SESTD1: variants seen among roughly 807,000 people sequenced by gnomAD.
SESTD1 encodes SEC14 and spectrin domain containing 1, also known as SEC14 domain and spectrin repeat-containing protein 1.
In SESTD1, 43 loss-of-function variants were observed where a neutral mutation model predicts 101.7. The ratio of observed to expected loss-of-function variants is 0.42; its 90% CI spans 0.33 to 0.55. The LOEUF is 0.55. Among genes scored for constraint, SESTD1 ranks in the 20% least tolerant of loss-of-function variants. The pLI, the probability that SESTD1 is intolerant of heterozygous loss-of-function variation, is 0.07. For synonymous variants in SESTD1, 283 were observed against 286.8 expected (o/e 0.99, Z 0.13); for missense variants, 647 against 815.1 (o/e 0.79, Z 2.51).
At chr2:179,244,144 GAATT>G (rs1436887003) in intron 1 of SESTD1, among the ~76,000 whole-genome samples, 4 of 151,600 alleles carry the variant, frequency 2.6e-5, no homozygotes, top group Admixed American at 2.0e-4. Flanking sequence ...AAAACTGAAT[GAATT>G]AATTAATTTT....
rs2044341871 is a variant in SESTD1, at chr2:179,104,656, A to G, written c.*5243T>C. ...TGGAGTTCAATAGCCCTTTTGTCAG[A>G]AAGTTTTCTACATGCCTAACTTAAA... On this transcript the variant is annotated 3_prime_UTR_variant, in exon 18 of 18. Coordinates refer to ENST00000428443, the MANE Select transcript of SESTD1 (RefSeq NM_178123.5). 1 of 152,142 alleles carries G rather than the reference A, an allele frequency of 6.6e-6. No individual in the cohort carries two copies. Among genetic ancestry groups the G allele is most frequent in the South Asian group, 2.1e-4 (1 of 4,826 alleles). 9.4% of individuals were successfully genotyped at this position (152,142 alleles called of 1,614,324 possible). A position where few individuals can be genotyped will look rare whatever the true frequency, so the allele number is the denominator to read the frequency against.
At chr2:179,249,890 CA>C (rs60865157) in intron 1 of SESTD1, among the ~76,000 whole-genome samples, 1,159 of 111,306 alleles carry the variant, frequency 0.01, 1 homozygote, top group Non-Finnish European at 0.015. Context: ...TATCCACAGG[CA>C]AAAAAAAAAA....
At chr2:179,219,315 A>C (rs930278442) in intron 1 of SESTD1, among the ~76,000 whole-genome samples, 12 of 152,236 alleles carry the variant, frequency 7.9e-5, no homozygotes, top group Non-Finnish European at 1.8e-4. Context: ...CCTCTCAATA[A>C]ATATAAATCA....
At position 179,107,369 on chromosome 2, in the gene SESTD1, C is replaced by T. The variant is rs1487481739; in HGVS notation, c.*2530G>A. The T allele has an allele frequency of 1.3e-5, 2 of 152,150 alleles. No individual in the cohort carries two copies. Among genetic ancestry groups the T allele is most frequent in the African/African-American group, 4.8e-5 (2 of 41,436 alleles). 9.4% of individuals were successfully genotyped at this position (152,150 alleles called of 1,614,324 possible). A position where few individuals can be genotyped will look rare whatever the true frequency, so the allele number is the denominator to read the frequency against. On this transcript the variant is annotated 3_prime_UTR_variant, in exon 18 of 18. Coordinates refer to ENST00000428443, the MANE Select transcript of SESTD1 (RefSeq NM_178123.5). ...AATTTACAAGTAACATTTATGAATC[C>T]TGCCTTATTTTACTTTTTGTAGGCA...
chr2:179,172,137 C>T lies in SESTD1; in HGVS notation c.352G>A (p.Asp118Asn). 1 of 1,607,172 alleles carries T rather than the reference C, an allele frequency of 6.2e-7. No homozygotes were observed. Among genetic ancestry groups the T allele is most frequent in the Non-Finnish European group, 8.5e-7 (1 of 1,175,058 alleles). Residue 118 changes from aspartate (D) to asparagine (N), a missense_variant, in exon 5 of 18, where the codon GAT (aspartate) becomes AAT (asparagine). Around this residue, in one of 3 missense-constraint regions of SESTD1, gnomAD observed 168 missense variants for 235.1 expected, o/e 0.71. Coordinates refer to ENST00000428443, the MANE Select transcript of SESTD1 (RefSeq NM_178123.5). ...VTHFCFWKEK[D>N]RLGFEVILVS... ...ACATTTACCTCAAAGCCAAGTCTATCCTTCTCCTTCCAAAAACAAAAATGC... is the reference window on the plus strand; with the variant it reads ...ACATTTACCTCAAAGCCAAGTCTATTCTTCTCCTTCCAAAAACAAAAATGC...
At chr2:179,154,725 G>C (rs1048755612) in intron 5 of SESTD1, among the ~76,000 whole-genome samples, 1 of 151,848 alleles carries the variant, frequency 6.6e-6, no homozygotes, top group African/African-American at 2.4e-5. Flanking sequence ...CAAACAATTT[G>C]GTCTCTTAAA....
chr2:179,245,453 T>C (rs1386472694), intron 1 of SESTD1, among the ~76,000 whole-genome samples: 5 of 140,044 alleles, frequency 3.6e-5, no homozygotes, highest in Non-Finnish European at 7.5e-5. Flanking sequence ...GAGAGGGAGG[T>C]TGCAGTGAGC....
rs1183819938 is a variant in SESTD1 at position 179,102,746 on chromosome 2, AAGAG to A, written c.*7149_*7152del. The A allele has an allele frequency of 6.6e-6, 1 of 152,156 alleles. No homozygotes were observed. Among genetic ancestry groups the A allele is most frequent in the African/African-American group, 2.4e-5 (1 of 41,424 alleles). The allele number at this position is 152,156 out of a possible 1,614,324, so 9.4% of individuals were successfully genotyped here. On this transcript the variant is annotated 3_prime_UTR_variant, in exon 18 of 18. Coordinates refer to ENST00000428443, the MANE Select transcript of SESTD1 (RefSeq NM_178123.5). ...AGCTGGGAGAGGTAAAAGAGTGGATAAGAGAGTCATCAGAGTGTGAAAAAACTAC... is the reference window on the plus strand; with the variant it reads ...AGCTGGGAGAGGTAAAAGAGTGGATAAGTCATCAGAGTGTGAAAAAACTAC...
At chr2:179,231,012 T>C (rs533106999) in intron 1 of SESTD1, among the ~76,000 whole-genome samples, 113 of 152,120 alleles carry the variant, frequency 7.4e-4, no homozygotes, top group African/African-American at 2.6e-3. Context: ...CAACAAAACA[T>C]ATAGAAAGCA....
intron 1 of SESTD1, among the ~76,000 whole-genome samples, chr2:179,239,478 T>C (rs2047117923): frequency 6.6e-6 from 1 of 152,176 alleles, no homozygotes; most frequent in African/African-American, 2.4e-5. Flanking sequence ...GAAAGAACTT[T>C]AAAAGTGACT....
At chr2:179,212,039 C>T (rs1195365549) in intron 1 of SESTD1, among the ~76,000 whole-genome samples, 1 of 134,952 alleles carries the variant, frequency 7.4e-6, no homozygotes, top group African/African-American at 2.9e-5. Flanking sequence ...TCCAAGATGG[C>T]TGAATAGGAA....
intron 1 of SESTD1, among the ~76,000 whole-genome samples, chr2:179,262,284 T>A (rs1237102336): frequency 6.6e-6 from 1 of 152,228 alleles, no homozygotes; most frequent in Non-Finnish European, 1.5e-5. Context: ...TGCCGACATT[T>A]GCATAATTTT....
At chr2:179,126,121 C>T (rs1428915682) in intron 10 of SESTD1, among the ~76,000 whole-genome samples, 1 of 152,174 alleles carries the variant, frequency 6.6e-6, no homozygotes, top group African/African-American at 2.4e-5. Flanking sequence ...TTTTACTACG[C>T]TGAAATTAAA....
intron 3 of SESTD1, among the ~76,000 whole-genome samples, chr2:179,182,511 C>G (rs1273775995): frequency 6.6e-6 from 1 of 151,966 alleles, no homozygotes; most frequent in African/African-American, 2.4e-5. Flanking sequence ...ATGGGAGAAG[C>G]AGATGGGGAG....
chr2:179,183,077 C>G lies in SESTD1; in HGVS notation c.164+3G>C, dbSNP rs777843040. ...ATTTAAGAAAAGACACCTTTAGAGT[C>G]ACCTTGGAATGCTGAGTAGGTAGTC... On this transcript the variant is annotated splice_donor_region_variant and intron_variant, in intron 3 of 17. Coordinates refer to ENST00000428443, the MANE Select transcript of SESTD1 (RefSeq NM_178123.5). 1 of 1,584,154 alleles carries G rather than the reference C, an allele frequency of 6.3e-7. No homozygotes were observed. Among genetic ancestry groups the G allele is most frequent in the East Asian group, 2.3e-5 (1 of 43,900 alleles).
At position 179,116,439 on chromosome 2, in the gene SESTD1, T is replaced by C. The variant is rs899303251; in HGVS notation, c.1647+229A>G. ...ATTGCCTTAAAAATGCCGTAATACA[T>C]AGCATAAATCAGAGGGACCATGCAG... On this transcript the variant is annotated intron_variant, in intron 15 of 17. Coordinates refer to ENST00000428443, the MANE Select transcript of SESTD1 (RefSeq NM_178123.5). 1.0e-5 allele frequency: 6 copies of C among 583,966 alleles called. No individual in the cohort carries two copies. In the Admixed American group the frequency reaches 1.1e-4, roughly 11 times the overall value. The allele number at this position is 583,966 out of a possible 1,614,324, so 36.2% of individuals were successfully genotyped here. A position where few individuals can be genotyped will look rare whatever the true frequency, so the allele number is the denominator to read the frequency against.
intron 1 of SESTD1, among the ~76,000 whole-genome samples, chr2:179,219,912 C>T (rs1388063347): frequency 6.6e-6 from 1 of 151,902 alleles, no homozygotes; most frequent in African/African-American, 2.4e-5. Flanking sequence ...AAAGTTTCAC[C>T]GAATAATATC....
chr2:179,198,359 G>A (rs1241829582), intron 1 of SESTD1, among the ~76,000 whole-genome samples: 2 of 152,108 alleles, frequency 1.3e-5, no homozygotes, highest in Non-Finnish European at 2.9e-5. Context: ...AATAATGGGA[G>A]ACTTTAACAC....
At chr2:179,121,166 TAA>T (rs1176571325) in intron 13 of SESTD1, among the ~76,000 whole-genome samples, 2 of 152,236 alleles carry the variant, frequency 1.3e-5, no homozygotes, top group Non-Finnish European at 2.9e-5. Flanking sequence ...ATAAAATTTT[TAA>T]GTGTGCAAAA....
Sources: gnomAD v4.1 joint callset for allele counts (sites outside exome capture counted in the v4.1 genomes callset) on GRCh38, gnomAD v4.1.1 for gene constraint, gnomAD v4.1.1 regional missense constraint, MANE v1.5 for transcripts, NCBI Gene and HGNC (gene_info 2026-07-23, HGNC 2026-07-21) for gene names.